Variants in TF observed in about 807,000 individuals in gnomAD.
The protein encoded by TF is serotransferrin.
TF carries 55 observed loss-of-function variants against 82.4 expected under a neutral mutation model. That is an observed-to-expected ratio of 0.67 (90% CI 0.54 to 0.84). The LOEUF (loss-of-function observed/expected upper bound fraction) is 0.84. Among genes scored for constraint, TF ranks in the 40% least tolerant of loss-of-function variants. The pLI, the probability that TF is intolerant of heterozygous loss-of-function variation, is 0.00. For synonymous variants in TF, 332 were observed against 332.6 expected (o/e 1.00, Z 0.02); for missense variants, 737 against 868.4 (o/e 0.85, Z 1.90).
the TF span, chr3:133,664,891 A>G: frequency 6.6e-6 from 1 of 152,162 alleles, no homozygotes; most frequent in Non-Finnish European, 1.5e-5. Flanking sequence ...AAAACAGGGA[A>G]AGGTTATGAT....
the TF span, among the ~76,000 whole-genome samples, chr3:133,722,786 C>T: frequency 6.6e-6 from 1 of 152,172 alleles, no homozygotes; most frequent in African/African-American, 2.4e-5. Context: ...AATCTTCATA[C>T]TAGAAGACTG....
chr3:133,674,061 T>A, the TF span, among the ~76,000 whole-genome samples: 1 of 152,128 alleles, frequency 6.6e-6, no homozygotes, highest in Admixed American at 6.5e-5. Flanking sequence ...GGAGACCCAT[T>A]TGGGAGGAAG....
the TF span, chr3:133,664,800 T>C: frequency 2.6e-5 from 4 of 152,158 alleles, no homozygotes. Context: ...GATCCCCGGT[T>C]GGTTGACCTC....
At chr3:133,682,289 G>A in the TF span, among the ~76,000 whole-genome samples, 2 of 152,160 alleles carry the variant, frequency 1.3e-5, no homozygotes, top group African/African-American at 2.4e-5. Context: ...AAAAATCAGA[G>A]CACCCTTTCT....
At chr3:133,753,395 C>T (rs1012362769) in intron 2 of TF, among the ~76,000 whole-genome samples, 200 bp from the exon 3 acceptor site, 2 of 152,196 alleles carry the variant, frequency 1.3e-5, no homozygotes, top group African/African-American at 4.8e-5. Context: ...TCCCTCTATG[C>T]AGAAGGAATA....
At chr3:133,724,573 C>T in the TF span, among the ~76,000 whole-genome samples, 4 of 152,168 alleles carry the variant, frequency 2.6e-5, no homozygotes, top group South Asian at 4.2e-4. Flanking sequence ...TCAGATGAGT[C>T]GGTTGCGAAA....
In TF at chr3:133,777,049, C is replaced by T. The variant is rs1488999618; in HGVS notation, c.1873C>T (p.His625Tyr). ...CVHKILRQQQ[H>Y]LFGSNVTDCS... ...CACGGACTTTCTGTTCACTTGACAG[C>T]ACCTATTTGGAAGCAACGTAACTGA... The change falls in exon 16 of 17, where the codon CAC becomes TAC. Residue 625 changes from histidine (H) to tyrosine (Y), a missense_variant and splice_region_variant. Transcript: ENST00000402696. 3.7e-6 allele frequency: 6 copies of T among 1,613,988 alleles called. No individual in the cohort carries two copies. Among genetic ancestry groups the T allele is most frequent in the South Asian group, 1.1e-5 (1 of 91,076 alleles).
chr3:133,743,871 A>G (rs1576352065), upstream of TF, among the ~76,000 whole-genome samples: 3 of 152,160 alleles, frequency 2.0e-5, no homozygotes, highest in East Asian at 5.8e-4. Context: ...CCATACAGCT[A>G]GGGCCATGCA....
Position 133,778,973 on chromosome 3 carries a change from G to GGTCTGC in TF, c.*356_*361dup. 1 of 301,020 alleles carries GGTCTGC rather than the reference G, an allele frequency of 3.3e-6. No homozygotes were observed. The highest frequency in any genetic ancestry group is 3.3e-5 in the South Asian group (1 of 29,968). 18.6% of individuals were successfully genotyped at this position (301,020 alleles called of 1,614,324 possible). A position where few individuals can be genotyped will look rare whatever the true frequency, so the allele number is the denominator to read the frequency against. Reference sequence around the variant, plus strand: ...TTCAAGGAGACATCTTTTCTAAAAGGGTCTGCGTGATCATTAAAATATAAT... The same window carrying GGTCTGC: ...TTCAAGGAGACATCTTTTCTAAAAGGGTCTGCGTCTGCGTGATCATTAAAATATAAT... On this transcript the variant is annotated 3_prime_UTR_variant, in exon 17 of 17. Coordinates refer to ENST00000402696, the MANE Select transcript of TF (RefSeq NM_001063.4).
At chr3:133,672,595 T>G in the TF span, among the ~76,000 whole-genome samples, 1 of 152,000 alleles carries the variant, frequency 6.6e-6, no homozygotes, top group Non-Finnish European at 1.5e-5. Flanking sequence ...AGCGTGGTGG[T>G]GCACTGCTGT....
chr3:133,752,760 T>C (rs1933711127), intron 2 of TF, among the ~76,000 whole-genome samples: 1 of 152,160 alleles, frequency 6.6e-6, no homozygotes, highest in Admixed American at 6.5e-5. Flanking sequence ...CCCAGGGAAG[T>C]GACTTAACCT....
At chr3:133,671,520 A>T in the TF span, among the ~76,000 whole-genome samples, 1 of 152,176 alleles carries the variant, frequency 6.6e-6, no homozygotes, top group Admixed American at 6.5e-5. Flanking sequence ...ATGGTGGCTC[A>T]CAGCTGTAAT....
At chr3:133,673,984 G>T in the TF span, among the ~76,000 whole-genome samples, 1 of 152,188 alleles carries the variant, frequency 6.6e-6, no homozygotes, top group Non-Finnish European at 1.5e-5. Flanking sequence ...GGAGCAGAGG[G>T]CTGCTGGGGA....
intron 5 of TF, 102 bp from the exon 6 acceptor site, chr3:133,756,180 G>A (rs553061045): frequency 1.7e-6 from 2 of 1,164,498 alleles, no homozygotes; most frequent in East Asian, 5.0e-5. Flanking sequence ...GCTGCACCAG[G>A]CTCTATCCTA....
chr3:133,731,041 G>A, the TF span, among the ~76,000 whole-genome samples: 2 of 152,190 alleles, frequency 1.3e-5, no homozygotes, highest in African/African-American at 4.8e-5. Context: ...CCAATTATTT[G>A]CAAATCTGTA....
At chr3:133,710,472 T>A in the TF span, among the ~76,000 whole-genome samples, 1 of 152,194 alleles carries the variant, frequency 6.6e-6, no homozygotes, top group Non-Finnish European at 1.5e-5. Flanking sequence ...ATTCTCCTAA[T>A]GTCCTAATTG....
the TF span, among the ~76,000 whole-genome samples, chr3:133,722,162 A>G: frequency 6.6e-6 from 1 of 152,064 alleles, no homozygotes; most frequent in Admixed American, 6.6e-5. Context: ...GATTACAGGC[A>G]TAAGCCACCA....
Position 133,792,339 on chromosome 3 carries a change from A to G in TF, c.*13719A>G, listed in dbSNP as rs959855844. The G allele has an allele frequency of 1.2e-4, 18 of 152,270 alleles. No homozygotes were observed. The highest frequency in any genetic ancestry group is 4.3e-4 in the African/African-American group (18 of 41,474). The allele number at this position is 152,270 out of a possible 1,614,324, so 9.4% of individuals were successfully genotyped here. A position where few individuals can be genotyped will look rare whatever the true frequency, so the allele number is the denominator to read the frequency against. ...ATGTCGTAGATGGTCTGTGTAAGTCATGAAATAATTTACAAAAGAGAATTT... is the reference window on the plus strand; with the variant it reads ...ATGTCGTAGATGGTCTGTGTAAGTCGTGAAATAATTTACAAAAGAGAATTT... On this transcript the variant is annotated 3_prime_UTR_variant, in exon 17 of 17. Coordinates refer to ENST00000402696, the MANE Select transcript of TF (RefSeq NM_001063.4).
chr3:133,674,303 G>A, the TF span, among the ~76,000 whole-genome samples: 1 of 152,218 alleles, frequency 6.6e-6, no homozygotes, highest in African/African-American at 2.4e-5. Flanking sequence ...TTGTAAAGCG[G>A]CCAGACTAGT....
Sources: allele counts gnomAD v4.1 joint callset (sites outside exome capture counted in the v4.1 genomes callset), GRCh38; gene constraint gnomAD v4.1.1; transcripts MANE v1.5; gene names NCBI Gene and HGNC (gene_info 2026-07-23, HGNC 2026-07-21).